Variants in SRGAP3 observed in about 807,000 individuals in gnomAD.
SRGAP3 encodes SLIT-ROBO Rho GTPase-activating protein 3.
In SRGAP3, 39 loss-of-function variants were observed where a neutral mutation model predicts 121.1. The observed-to-expected ratio is 0.32, with a 90% CI of 0.25 to 0.42. The LOEUF is 0.42. SRGAP3 is among the 10% of genes least tolerant of loss of function. The pLI, the probability that SRGAP3 is intolerant of heterozygous loss-of-function variation, is 1.00. For missense variants in SRGAP3, 1,213 were observed against 1,470.6 expected, an observed-to-expected ratio of 0.82 and a Z score of 2.86; for synonymous variants, 601 against 570.0, an observed-to-expected ratio of 1.05 and a Z score of -0.77.
At chr3:9,129,232 C>T (rs1949350994) in intron 1 of SRGAP3, among the ~76,000 whole-genome samples, 1 of 150,246 alleles carries the variant, frequency 6.7e-6, no homozygotes, top group South Asian at 2.1e-4. Context: ...ACCCATCCCT[C>T]CCCACAACAT....
rs1041336689 is a variant in SRGAP3 at position 9,171,904 on chromosome 3, G to A, written c.68-46987C>T. Among the ~76,000 whole-genome samples, 19 of 152,134 alleles carry A rather than the reference G, an allele frequency of 1.2e-4. No individual in the cohort carries two copies. The East Asian group carries it at 2.7e-3, about 22-fold the overall frequency. On this transcript the variant is annotated intron_variant, in intron 1 of 21. Transcript: ENST00000383836. ...GTTGGTTCCTTCCAAGGCTGTGAGG[G>A]TGAATCTGTTCTATGCCTCTGTCCT...
intron 1 of SRGAP3, among the ~76,000 whole-genome samples, chr3:9,159,261 G>C (rs773852081): frequency 2.1e-4 from 32 of 152,046 alleles, no homozygotes; most frequent in Non-Finnish European, 3.5e-4. Context: ...TTGTCAGTCT[G>C]TGTAGATCCC....
chr3:9,131,995 A>T (rs1949470428), intron 1 of SRGAP3, among the ~76,000 whole-genome samples: 1 of 152,122 alleles, frequency 6.6e-6, no homozygotes, highest in African/African-American at 2.4e-5. Context: ...CGTGTGACCC[A>T]CCGTATGGAG....
intron 4 of SRGAP3, among the ~76,000 whole-genome samples, chr3:9,071,087 A>C (rs1252940496): frequency 1.3e-5 from 2 of 152,130 alleles, no homozygotes; most frequent in African/African-American, 4.8e-5. Context: ...CCAGGGGAGC[A>C]GGAGGCAAAC....
chr3:9,274,149 G>C (rs1954529613), intron 3 of SRGAP3, among the ~76,000 whole-genome samples: 1 of 152,168 alleles, frequency 6.6e-6, no homozygotes, highest in Non-Finnish European at 1.5e-5. Flanking sequence ...TGGTACATAG[G>C]AGGTGCCCCA....
intron 1 of SRGAP3, among the ~76,000 whole-genome samples, chr3:9,334,906 G>A (rs767918288): frequency 2.6e-5 from 4 of 152,180 alleles, no homozygotes; most frequent in African/African-American, 7.2e-5. Context: ...TTGGGATAAC[G>A]GGTGTGGAAA....
intron 12 of SRGAP3, among the ~76,000 whole-genome samples, chr3:9,032,205 T>A (rs77040168): frequency 0.023 from 3,433 of 152,158 alleles, 79 homozygotes; most frequent in African/African-American, 0.059. Context: ...AAAAAAAAAA[T>A]TCACGTGTAT....
At chr3:8,999,518 A>G (rs553765108) in intron 18 of SRGAP3, among the ~76,000 whole-genome samples, 23 of 152,170 alleles carry the variant, frequency 1.5e-4, no homozygotes, top group Non-Finnish European at 2.9e-4. Flanking sequence ...ATTCCTCTCA[A>G]TACCACTTAT....
At chr3:9,332,679 T>C (rs1022596369) in intron 1 of SRGAP3, among the ~76,000 whole-genome samples, 5 of 152,242 alleles carry the variant, frequency 3.3e-5, no homozygotes, top group African/African-American at 1.2e-4. Flanking sequence ...AACCAATTAA[T>C]TTTTTTCCTT....
intron 1 of SRGAP3, among the ~76,000 whole-genome samples, chr3:9,231,182 T>A (rs1196028020): frequency 1.3e-5 from 2 of 152,180 alleles, no homozygotes; most frequent in East Asian, 3.9e-4. Flanking sequence ...AGGGCTTTTG[T>A]CCAAGGAGCT....
At chr3:9,204,781 G>A (rs777219429) in intron 1 of SRGAP3, among the ~76,000 whole-genome samples, 10 of 152,216 alleles carry the variant, frequency 6.6e-5, no homozygotes, top group African/African-American at 1.4e-4. Context: ...CCCAGCCTTC[G>A]TAGGAGTTAG....
chr3:9,016,021 T>C (rs1943620779), intron 14 of SRGAP3: 1 of 446,862 alleles, frequency 2.2e-6, no homozygotes, highest in Admixed American at 3.6e-5. Context: ...TCTGTATTTA[T>C]ATTTATTGTT....
At chr3:9,040,934 A>C (rs1944981613) in intron 10 of SRGAP3, among the ~76,000 whole-genome samples, 1 of 152,250 alleles carries the variant, frequency 6.6e-6, no homozygotes, top group African/African-American at 2.4e-5. Flanking sequence ...CTGTGAGAGA[A>C]GGAATCTTGT....
chr3:9,206,254 C>A (rs1372785815), intron 1 of SRGAP3, among the ~76,000 whole-genome samples: 1 of 152,212 alleles, frequency 6.6e-6, no homozygotes, highest in African/African-American at 2.4e-5. Flanking sequence ...ACCCTCACAA[C>A]AAACCTACTC....
intron 7 of SRGAP3, among the ~76,000 whole-genome samples, chr3:9,057,181 G>A (rs553873802): frequency 6.6e-6 from 1 of 152,000 alleles, no homozygotes; most frequent in African/African-American, 2.4e-5. Context: ...CACCCATCTC[G>A]GCCTCCCAAG....
chr3:9,029,819 T>C (rs1944388521), intron 12 of SRGAP3, among the ~76,000 whole-genome samples: 1 of 152,120 alleles, frequency 6.6e-6, no homozygotes, highest in African/African-American at 2.4e-5. Flanking sequence ...GCTGATGGTA[T>C]GTGATGAGTA....
chr3:9,179,837 A>G (rs1951315830), intron 1 of SRGAP3, among the ~76,000 whole-genome samples: 1 of 152,244 alleles, frequency 6.6e-6, no homozygotes, highest in African/African-American at 2.4e-5. Flanking sequence ...GACTAGCCCA[A>G]GGCCACATAG....
intron 3 of SRGAP3, among the ~76,000 whole-genome samples, chr3:9,297,357 C>A (rs1023437159): frequency 1.3e-5 from 2 of 152,052 alleles, no homozygotes; most frequent in Admixed American, 1.3e-4. Flanking sequence ...TAGTTAATAG[C>A]AGGAGCTTGA....
intron 3 of SRGAP3, among the ~76,000 whole-genome samples, chr3:9,091,523 C>T (rs996879128): frequency 5.3e-5 from 8 of 152,212 alleles, no homozygotes; most frequent in Admixed American, 3.3e-4. Flanking sequence ...TATTTAAATA[C>T]ATGATGTATG....
Sources: gnomAD v4.1 joint callset for allele counts (sites outside exome capture counted in the v4.1 genomes callset) on GRCh38, gnomAD v4.1.1 for gene constraint, MANE v1.5 for transcripts, NCBI Gene and HGNC (gene_info 2026-07-23, HGNC 2026-07-21) for gene names.